ATG7: variants seen among roughly 807,000 people sequenced by gnomAD.
ATG7 encodes autophagy related 7.
ATG7 carries 70 observed loss-of-function variants against 82.4 expected under a neutral mutation model. The ratio of observed to expected loss-of-function variants is 0.85; its 90% CI spans 0.70 to 1.04. The LOEUF (loss-of-function observed/expected upper bound fraction) is 1.04. Among genes scored for constraint, ATG7 ranks in the 50% least tolerant of loss-of-function variants. ATG7 has a pLI of 0.00. For missense variants in ATG7, 792 were observed against 864.3 expected, an observed-to-expected ratio of 0.92 and a Z score of 1.05; for synonymous variants, 287 against 313.0, an observed-to-expected ratio of 0.92 and a Z score of 0.88.
chr3:11,390,149 T>C (rs1168155548), intron 19 of ATG7, among the ~76,000 whole-genome samples: 1 of 152,206 alleles, frequency 6.6e-6, no homozygotes, highest in Non-Finnish European at 1.5e-5. Flanking sequence ...GAAGACTATT[T>C]ATTTTGTTGC....
intron 19 of ATG7, among the ~76,000 whole-genome samples, chr3:11,385,359 C>T (rs1190639944): frequency 6.6e-6 from 1 of 152,192 alleles, no homozygotes; most frequent in African/African-American, 2.4e-5. Context: ...AAACCTCTGT[C>T]CCAAAGCAAC....
intron 20 of ATG7, among the ~76,000 whole-genome samples, chr3:11,478,275 C>A (rs780008567): frequency 6.6e-6 from 1 of 152,196 alleles, no homozygotes; most frequent in African/African-American, 2.4e-5. Flanking sequence ...CAGAATGAAT[C>A]TCTATCTCTC....
chr3:11,289,369 C>T (rs956697897), intron 3 of ATG7, among the ~76,000 whole-genome samples: 2 of 152,140 alleles, frequency 1.3e-5, no homozygotes, highest in Non-Finnish European at 2.9e-5. Context: ...GTTACATAGA[C>T]GTGTATGTTC....
chr3:11,376,161 G>A (rs1321057405), intron 18 of ATG7, among the ~76,000 whole-genome samples: 1 of 152,152 alleles, frequency 6.6e-6, no homozygotes, highest in African/African-American at 2.4e-5. Context: ...GCAGAAAGTA[G>A]ATTAGTGGTT....
intron 20 of ATG7, among the ~76,000 whole-genome samples, chr3:11,554,039 GCT>G (rs1176725467): frequency 1.3e-5 from 2 of 152,166 alleles, no homozygotes; most frequent in Admixed American, 6.5e-5. Context: ...CTGGCCTTGG[GCT>G]CTCTCCCTGG....
At chr3:11,308,859 G>A in intron 6 of ATG7, 125 bp from the exon 7 acceptor site, 1 of 834,188 alleles carries the variant, frequency 1.2e-6, no homozygotes, top group South Asian at 1.5e-5. Flanking sequence ...TTCATTGTTT[G>A]GGGTAAGTGG....
chr3:11,546,426 C>A (rs746919210), intron 20 of ATG7, among the ~76,000 whole-genome samples: 1 of 152,170 alleles, frequency 6.6e-6, no homozygotes, highest in Non-Finnish European at 1.5e-5. Flanking sequence ...CCTGACTTGG[C>A]TTCCCAAAAT....
At chr3:11,440,321 C>CTTT (rs2083763876) in intron 20 of ATG7, among the ~76,000 whole-genome samples, 5 of 67,200 alleles carry the variant, frequency 7.4e-5, no homozygotes, top group Middle Eastern at 0.013. Context: ...CTGGCCTTTA[C>CTTT]TCTTTTTTTT....
At chr3:11,299,472 T>C (rs1051679867) in intron 5 of ATG7, 56 bp downstream of exon 5, 2 of 1,520,832 alleles carry the variant, frequency 1.3e-6, no homozygotes, top group Non-Finnish European at 1.8e-6. Context: ...TGGCAAGGAA[T>C]AAGCATGCTT....
intron 20 of ATG7, among the ~76,000 whole-genome samples, chr3:11,533,354 T>C (rs2092727788): frequency 6.6e-6 from 1 of 152,184 alleles, no homozygotes; most frequent in Admixed American, 6.5e-5. Flanking sequence ...GGGGTGATTT[T>C]TTTTCCAGTC....
At chr3:11,481,007 G>A (rs575187663) in intron 20 of ATG7, among the ~76,000 whole-genome samples, 2 of 152,326 alleles carry the variant, frequency 1.3e-5, no homozygotes, top group East Asian at 3.9e-4. Flanking sequence ...CTAGGCAAGG[G>A]ATACTATTAG....
intron 20 of ATG7, among the ~76,000 whole-genome samples, chr3:11,483,073 A>G (rs1432633766): frequency 6.6e-6 from 1 of 152,146 alleles, no homozygotes. Context: ...TTTAATATGT[A>G]AGAATGCAAA....
intron 3 of ATG7, among the ~76,000 whole-genome samples, chr3:11,291,373 A>G (rs1944958333): frequency 6.6e-6 from 1 of 152,230 alleles, no homozygotes; most frequent in Non-Finnish European, 1.5e-5. Context: ...GCTGATGGGC[A>G]GTAGAAAGTT....
chr3:11,315,753 G>A (rs1469360233), intron 9 of ATG7, among the ~76,000 whole-genome samples: 1 of 152,062 alleles, frequency 6.6e-6, no homozygotes, highest in African/African-American at 2.4e-5. Context: ...TTGAGATGGA[G>A]TCTCGCACTG....
chr3:11,442,762 A>AAG (rs2084120819), intron 20 of ATG7, among the ~76,000 whole-genome samples: 1 of 148,074 alleles, frequency 6.8e-6, no homozygotes, highest in African/African-American at 2.5e-5. Context: ...AAAAAAAAAA[A>AAG]AAAAAAAAAT....
intron 20 of ATG7, among the ~76,000 whole-genome samples, chr3:11,514,217 T>TG (rs906884264): frequency 6.6e-6 from 1 of 152,156 alleles, no homozygotes; most frequent in Non-Finnish European, 1.5e-5. Context: ...CGAAGGAAAG[T>TG]GGTTGAGTCA....
chr3:11,273,153 C>T (rs1001907301), intron 1 of ATG7, among the ~76,000 whole-genome samples: 1 of 152,230 alleles, frequency 6.6e-6, no homozygotes, highest in African/African-American at 2.4e-5. Flanking sequence ...GCAAGTAATT[C>T]TGGCGTTTAA....
intron 9 of ATG7, among the ~76,000 whole-genome samples, chr3:11,326,261 T>A (rs1286795973): frequency 6.6e-6 from 1 of 151,402 alleles, no homozygotes. Flanking sequence ...TCCCCCTTTT[T>A]ACACTTGATA....
At chr3:11,519,565 T>G (rs1357799139) in intron 20 of ATG7, among the ~76,000 whole-genome samples, 4 of 113,494 alleles carry the variant, frequency 3.5e-5, no homozygotes, top group South Asian at 3.1e-4. Context: ...TTTTTTTTTT[T>G]TTTTTTTTTT....
Sources: allele counts gnomAD v4.1 joint callset (sites outside exome capture counted in the v4.1 genomes callset), GRCh38; gene constraint gnomAD v4.1.1; transcripts MANE v1.5; gene names NCBI Gene and HGNC (gene_info 2026-07-23, HGNC 2026-07-21).